LGSN: variants seen among roughly 807,000 people sequenced by gnomAD.
LGSN encodes lengsin, lens protein with glutamine synthetase domain, also known as lengsin.
Under a neutral mutation model 19.5 loss-of-function variants are expected in LGSN, and 21 were observed. The ratio of observed to expected loss-of-function variants is 1.07; its 90% CI spans 0.76 to 1.55. The LOEUF (loss-of-function observed/expected upper bound fraction) is 1.55. Among genes scored for constraint, LGSN ranks in the 40% most tolerant of loss-of-function variants. LGSN has a pLI of 0.00. For synonymous variants in LGSN, 257 were observed against 215.6 expected (o/e 1.19, Z -1.68); for missense variants, 673 against 608.5 (o/e 1.11, Z -1.12).
chr6:63,413,215 CTATTAT>C, the LGSN span, among the ~76,000 whole-genome samples: 1 of 151,950 alleles, frequency 6.6e-6, no homozygotes, highest in Non-Finnish European at 1.5e-5. Flanking sequence ...TAATAATAAT[CTATTAT>C]TATTTGACAT....
the LGSN span, among the ~76,000 whole-genome samples, chr6:63,445,054 G>A: frequency 6.6e-6 from 1 of 152,192 alleles, no homozygotes; most frequent in African/African-American, 2.4e-5. Context: ...GCTTTTGCCT[G>A]AATCCCAGCA....
At chr6:63,415,600 C>T in the LGSN span, among the ~76,000 whole-genome samples, 1 of 152,166 alleles carries the variant, frequency 6.6e-6, no homozygotes, top group Non-Finnish European at 1.5e-5. Flanking sequence ...TTATTTCTAC[C>T]TGGTCTCTCC....
chr6:63,323,189 A>G (rs146318825), upstream of LGSN, among the ~76,000 whole-genome samples: 1 of 152,294 alleles, frequency 6.6e-6, no homozygotes, highest in Non-Finnish European at 1.5e-5. Context: ...TAATAAGTTA[A>G]AAATTATTCC....
the LGSN span, among the ~76,000 whole-genome samples, chr6:63,439,816 G>A: frequency 6.6e-6 from 1 of 152,074 alleles, no homozygotes; most frequent in Non-Finnish European, 1.5e-5. Context: ...CTTCTTTAAG[G>A]TCCAATTCAG....
chr6:63,359,642 T>C, the LGSN span, among the ~76,000 whole-genome samples: 19 of 152,364 alleles, frequency 1.2e-4, no homozygotes, highest in East Asian at 3.3e-3. Context: ...TAGTATTCTC[T>C]GATGGTAGTT....
At chr6:63,353,821 G>A in the LGSN span, among the ~76,000 whole-genome samples, 1 of 151,980 alleles carries the variant, frequency 6.6e-6, no homozygotes, top group Non-Finnish European at 1.5e-5. Flanking sequence ...AAACAGAATA[G>A]AGAACCTGGA....
the LGSN span, among the ~76,000 whole-genome samples, chr6:63,417,777 T>C: frequency 6.6e-6 from 1 of 152,190 alleles, no homozygotes; most frequent in Non-Finnish European, 1.5e-5. Flanking sequence ...GGAGGACTCA[T>C]AGTACTTAGT....
At chr6:63,383,771 C>G in the LGSN span, among the ~76,000 whole-genome samples, 1 of 152,060 alleles carries the variant, frequency 6.6e-6, no homozygotes, top group Non-Finnish European at 1.5e-5. Context: ...TCCTCCAAAT[C>G]TGTGAAATAA....
chr6:63,354,685 C>G, the LGSN span, among the ~76,000 whole-genome samples: 1 of 152,266 alleles, frequency 6.6e-6, no homozygotes, highest in South Asian at 2.1e-4. Context: ...CATCTGCGCT[C>G]ACATATTTAT....
chr6:63,523,256 T>C, the LGSN span, among the ~76,000 whole-genome samples: 2 of 152,138 alleles, frequency 1.3e-5, no homozygotes, highest in Admixed American at 6.5e-5. Context: ...TTCACTATTA[T>C]GTACTTTCTC....
At chr6:63,535,417 G>A in the LGSN span, among the ~76,000 whole-genome samples, 4 of 151,714 alleles carry the variant, frequency 2.6e-5, no homozygotes, top group African/African-American at 7.3e-5. Flanking sequence ...GCAGTGACCC[G>A]AGATTGCACC....
chr6:63,486,387 G>C, the LGSN span, among the ~76,000 whole-genome samples: 1 of 152,158 alleles, frequency 6.6e-6, no homozygotes, highest in Non-Finnish European at 1.5e-5. Context: ...TCACACGACA[G>C]CTGCTAGGTC....
the LGSN span, among the ~76,000 whole-genome samples, chr6:63,417,627 G>A: frequency 6.6e-6 from 1 of 152,070 alleles, no homozygotes; most frequent in Non-Finnish European, 1.5e-5. Context: ...CATATAAACT[G>A]GTATCATATA....
the LGSN span, among the ~76,000 whole-genome samples, chr6:63,437,089 A>G: frequency 7.6e-6 from 1 of 131,642 alleles, no homozygotes; most frequent in Admixed American, 8.1e-5. Flanking sequence ...AGGGGAAGGG[A>G]AGGGAGGGAA....
the LGSN span, among the ~76,000 whole-genome samples, chr6:63,504,259 T>C: frequency 7.6e-6 from 1 of 130,800 alleles, no homozygotes; most frequent in Non-Finnish European, 1.6e-5. Context: ...TTTTTTTTTT[T>C]GAGACAGAGT....
At chr6:63,446,886 C>T in the LGSN span, among the ~76,000 whole-genome samples, 1 of 152,228 alleles carries the variant, frequency 6.6e-6, no homozygotes, top group East Asian at 1.9e-4. Flanking sequence ...CCTGTCTCTA[C>T]TAAAAATACA....
At chr6:63,519,679 G>A in the LGSN span, among the ~76,000 whole-genome samples, 2 of 152,164 alleles carry the variant, frequency 1.3e-5, no homozygotes, top group Non-Finnish European at 2.9e-5. Flanking sequence ...TGAAATACAG[G>A]TCAGTCTACT....
the LGSN span, among the ~76,000 whole-genome samples, chr6:63,406,122 G>A: frequency 2.0e-5 from 3 of 151,948 alleles, no homozygotes; most frequent in East Asian, 3.9e-4. Context: ...GATCAACAAG[G>A]CAGAAAGTTA....
At chr6:63,365,498 T>C in the LGSN span, among the ~76,000 whole-genome samples, 1 of 152,314 alleles carries the variant, frequency 6.6e-6, no homozygotes, top group South Asian at 2.1e-4. Flanking sequence ...AGACGAATTC[T>C]ACCAGAGGTA....
Sources: gnomAD v4.1 joint callset for allele counts (sites outside exome capture counted in the v4.1 genomes callset) on GRCh38, gnomAD v4.1.1 for gene constraint, MANE v1.5 for transcripts, NCBI Gene and HGNC (gene_info 2026-07-23, HGNC 2026-07-21) for gene names.